The following FYCO1 variants were observed in gnomAD, a reference collection of about 807,000 sequenced individuals.
The protein encoded by FYCO1 is FYVE and coiled-coil domain-containing protein 1.
FYCO1 carries 122 observed loss-of-function variants against 165.1 expected under a neutral mutation model. The ratio of observed to expected loss-of-function variants is 0.74; its 90% CI spans 0.64 to 0.86. FYCO1 has a LOEUF of 0.86. FYCO1 is among the 40% of genes least tolerant of loss of function. FYCO1 has a pLI of 0.00. For missense variants in FYCO1, 1,702 were observed against 1,810.3 expected, an observed-to-expected ratio of 0.94 and a Z score of 1.09; for synonymous variants, 648 against 742.5, an observed-to-expected ratio of 0.87 and a Z score of 2.07.
Position 45,921,581 on chromosome 3 carries a change from G to C in FYCO1, c.*184C>G. 1.6e-6 allele frequency: 1 copy of C among 630,844 alleles called. No individual in the cohort carries two copies. The highest frequency in any genetic ancestry group is 1.7e-5 in the South Asian group (1 of 57,990). The allele number at this position is 630,844 out of a possible 1,614,324, so 39.1% of individuals were successfully genotyped here. A position where few individuals can be genotyped will look rare whatever the true frequency, so the allele number is the denominator to read the frequency against. On this transcript the variant is annotated 3_prime_UTR_variant, in exon 18 of 18. Coordinates refer to ENST00000296137, the MANE Select transcript of FYCO1 (RefSeq NM_024513.4). ...TGCCTGAGCCCTTCAACGCCTCGGG[G>C]GCTAAGAGTGGCCGGTGCAGAGTGC...
chr3:45,972,951 A>G, intron 6 of FYCO1, 137 bp downstream of exon 6: 2 of 878,038 alleles, frequency 2.3e-6, no homozygotes, highest in Non-Finnish European at 3.7e-6. Flanking sequence ...AGTCTGTAAA[A>G]GGAGCTGGAA....
In FYCO1 at chr3:45,966,717, G is replaced by A; in HGVS notation, c.2617C>T (p.Leu873=). The A allele has an allele frequency of 6.2e-7, 1 of 1,612,806 alleles. No homozygotes were observed. The highest frequency in any genetic ancestry group is 1.3e-5 in the African/African-American group (1 of 75,060). Residue 873 remains leucine (L), a synonymous_variant, in exon 8 of 18, where the codon CTG becomes TTG. Coordinates refer to ENST00000296137, the MANE Select transcript of FYCO1 (RefSeq NM_024513.4). ...TTGGCCTGGGACAGCTCCTCCTGCA[G>A]GGCCCGCAGCTCCTCCTCCCTCTGC... The part of the protein sequence containing the change: ...AQQREEELRA[L]QEELSQAKCS...
At chr3:45,982,468 C>G (rs557384449) in intron 2 of FYCO1, among the ~76,000 whole-genome samples, 2 of 152,332 alleles carry the variant, frequency 1.3e-5, no homozygotes, top group South Asian at 2.1e-4. Context: ...CAAGAGCTGT[C>G]TAACTCCAGA....
chr3:45,937,402 TG>T (rs1350267803), intron 14 of FYCO1, among the ~76,000 whole-genome samples: 2 of 152,236 alleles, frequency 1.3e-5, no homozygotes, highest in African/African-American at 4.8e-5. Flanking sequence ...GAGGTCTCTG[TG>T]GCCCCCAAGG....
chr3:45,951,758 G>A lies in FYCO1; in HGVS notation c.3944+3491C>T, dbSNP rs184241668. 1.9e-3 allele frequency among the ~76,000 whole-genome samples: 289 copies of A among 152,306 alleles called. 1 individual carries two copies. Among genetic ancestry groups the A allele is most frequent in the African/African-American group, 6.8e-3 (281 of 41,566 alleles). ...GGTCCTGCTCTGCACCACCATTCTA[G>A]GTCTGAGCCATGCACAGGGACCACT... On this transcript the variant is annotated intron_variant, in intron 14 of 17. Transcript: ENST00000296137.
At chr3:45,978,350 A>G (rs934685770) in intron 4 of FYCO1, among the ~76,000 whole-genome samples, 1 of 152,178 alleles carries the variant, frequency 6.6e-6, no homozygotes, top group Admixed American at 6.5e-5. Context: ...CATGGACCCA[A>G]GTATCCCACC....
At chr3:45,947,513 C>A in intron 14 of FYCO1, 1 of 1,608,446 alleles carries the variant, frequency 6.2e-7, no homozygotes. Flanking sequence ...AGTTATAGGC[C>A]TTGCCAGGGT....
chr3:45,958,672 G>A (rs1479763606), intron 12 of FYCO1, 53 bp from the exon 13 acceptor site: 8 of 1,565,468 alleles, frequency 5.1e-6, no homozygotes, highest in Non-Finnish European at 7.0e-6. Context: ...GATCTTGTGT[G>A]ATCTGCTCAG....
At chr3:45,974,314 A>C (rs1418443943) in intron 5 of FYCO1, among the ~76,000 whole-genome samples, 3 of 152,240 alleles carry the variant, frequency 2.0e-5, no homozygotes, top group South Asian at 2.1e-4. Context: ...TTGAGGTTAC[A>C]GTGTGCTATG....
In FYCO1 at chr3:45,967,577, C is replaced by A. The variant is rs377391343; in HGVS notation, c.1757G>T (p.Gly586Val). ...GCCCCTCTGCTCCTCCTCTGGCTTC[C>A]CCCAGGCCTCTTGCAGACTGGAGTT... Reference protein sequence around the residue: ...PVNSSLQEAWGKPEEEQRGLQ... With the variant: ...PVNSSLQEAWVKPEEEQRGLQ... The change falls in exon 8 of 18, where the codon GGG (glycine) becomes GTG (valine). Residue 586 changes from glycine (G) to valine (V), a missense_variant. Physicochemically the swap from Gly to Val is moderately radical, Grantham distance 109. Coordinates refer to ENST00000296137, the MANE Select transcript of FYCO1 (RefSeq NM_024513.4). The A allele has an allele frequency of 1.2e-6, 2 of 1,614,008 alleles. No homozygotes were observed. Among genetic ancestry groups the A allele is most frequent in the Non-Finnish European group, 1.7e-6 (2 of 1,180,036 alleles).
intron 4 of FYCO1, among the ~76,000 whole-genome samples, chr3:45,979,111 C>T (rs1380758156): frequency 2.0e-5 from 3 of 152,074 alleles, no homozygotes; most frequent in African/African-American, 7.2e-5. Flanking sequence ...CTGCCCGCCT[C>T]GGCCTCCCAA....
chr3:45,959,457 C>G lies in FYCO1; in HGVS notation c.3523G>C (p.Glu1175Gln). The change falls in exon 12 of 18, where the codon GAG (glutamate) becomes CAG (glutamine). Residue 1175 changes from glutamate (E) to glutamine (Q), a missense_variant. Physicochemically the swap from Glu to Gln is conservative, Grantham distance 29. Coordinates refer to ENST00000296137, the MANE Select transcript of FYCO1 (RefSeq NM_024513.4). The part of the protein sequence containing the change: ...SAEERWLGDT[E>Q]ANHCLDCKRE... ...TTACAGTCGAGGCAGTGGTTTGCCT[C>G]TGTGTCTCCGAGCCATCTCTCCTCA... The G allele has an allele frequency of 3.1e-6, 5 of 1,614,168 alleles. No individual in the cohort carries two copies. The highest frequency in any genetic ancestry group is 4.2e-6 in the Non-Finnish European group (5 of 1,180,044).
chr3:45,967,860 G>A lies in FYCO1; in HGVS notation c.1474C>T (p.Arg492Trp), dbSNP rs143704916. Residue 492 changes from arginine to tryptophan, a missense_variant, in exon 8 of 18, where the codon CGG (arginine) becomes TGG (tryptophan). Transcript: ENST00000296137. The stretch of plus-strand genomic sequence containing the variant: ...TCCTCCTGTTGCTGTTTTTTCTCCC[G>A]CCTCAACTCTGCTAGCTCCTCCTCC... ...SWEEELAELRREKKQQQEEKE... is the reference protein window; with the variant it reads ...SWEEELAELRWEKKQQQEEKE... 2.5e-3 allele frequency: 4,103 copies of A among 1,613,890 alleles called. 16 individuals carry two copies. The highest frequency in any genetic ancestry group is 4.1e-3 in the Admixed American group (246 of 59,992).
Position 45,975,102 on chromosome 3 carries a change from T to C in FYCO1, c.395+137A>G, listed in dbSNP as rs1256987085. 6 of 748,268 alleles carry C rather than the reference T, an allele frequency of 8.0e-6. No homozygotes were observed. In the South Asian group the frequency reaches 8.6e-5, roughly 11 times the overall value. The allele number at this position is 748,268 out of a possible 1,614,324, so 46.4% of individuals were successfully genotyped here. A position where few individuals can be genotyped will look rare whatever the true frequency, so the allele number is the denominator to read the frequency against. ...CTTTGGGAGGAGGGGTGGAAGACAA[T>C]GATATATGTGGAAGGAGTCTGCAGT... On this transcript the variant is annotated intron_variant, in intron 5 of 17. Coordinates refer to ENST00000296137, the MANE Select transcript of FYCO1 (RefSeq NM_024513.4).
chr3:45,931,306 C>T (rs774541642), intron 15 of FYCO1, 25 bp from the exon 16 acceptor site: 1 of 1,608,382 alleles, frequency 6.2e-7, no homozygotes, highest in African/African-American at 1.3e-5. Flanking sequence ...CAGAGAGGGA[C>T]CTGATTGACT....
At chr3:45,921,864 G>A (rs529182617) in intron 17 of FYCO1, 24 bp from the exon 18 acceptor site, 1 of 1,535,562 alleles carries the variant, frequency 6.5e-7, no homozygotes, top group Non-Finnish European at 9.0e-7. Context: ...AATGGAAAGG[G>A]AGGGTGTTAC....
At chr3:45,959,637 TAA>T in intron 11 of FYCO1, 95 bp from the exon 12 acceptor site, 1 of 1,343,098 alleles carries the variant, frequency 7.4e-7, no homozygotes, top group East Asian at 2.4e-5. Flanking sequence ...TCAAATTTCC[TAA>T]GTCATAGAAA....
chr3:45,973,494 A>G (rs996991933), intron 5 of FYCO1, among the ~76,000 whole-genome samples: 3 of 152,350 alleles, frequency 2.0e-5, no homozygotes, highest in African/African-American at 7.2e-5. Flanking sequence ...GGATATGGGA[A>G]ACCTTAAACA....
rs536628664 is a variant in FYCO1 at position 45,930,709 on chromosome 3, C to T, written c.4251+362G>A. Among the ~76,000 whole-genome samples, 336 of 152,312 alleles carry T rather than the reference C, an allele frequency of 2.2e-3. 1 individual carries two copies. Among genetic ancestry groups the T allele is most frequent in the African/African-American group, 7.7e-3 (322 of 41,574 alleles). On this transcript the variant is annotated intron_variant, in intron 16 of 17. Coordinates refer to ENST00000296137, the MANE Select transcript of FYCO1 (RefSeq NM_024513.4). ...TAAAAACTAGAGGAAGAGAGGTCAC[C>T]ACCTCCCAAGGTGATCCATTCCTGC...
Sources: gnomAD v4.1 joint callset for allele counts (sites outside exome capture counted in the v4.1 genomes callset) on GRCh38, gnomAD v4.1.1 for gene constraint, MANE v1.5 for transcripts, NCBI Gene and HGNC (gene_info 2026-07-23, HGNC 2026-07-21) for gene names.